The following TMPO variants were observed in gnomAD, a reference collection of about 807,000 sequenced individuals.
TMPO encodes the protein thymopoietin.
TMPO carries 22 observed loss-of-function variants against 45.4 expected under a neutral mutation model. The ratio of observed to expected loss-of-function variants is 0.48; its 90% CI spans 0.35 to 0.69. The LOEUF (loss-of-function observed/expected upper bound fraction) is 0.69, where lower values mean the gene tolerates loss of function less well. TMPO is among the 30% of genes least tolerant of loss of function. TMPO has a pLI of 0.01. For missense variants in TMPO, 512 were observed against 548.8 expected, an observed-to-expected ratio of 0.93 and a Z score of 0.67; for synonymous variants, 241 against 204.1, an observed-to-expected ratio of 1.18 and a Z score of -1.54.
chr12:98,524,679 C>T (rs369291946), intron 1 of TMPO, among the ~76,000 whole-genome samples: 115 of 152,294 alleles, frequency 7.6e-4, no homozygotes, highest in African/African-American at 2.5e-3. Context: ...CTGCAACCTC[C>T]GCCTCCCAGA....
intron 3 of TMPO, chr12:98,533,951 T>C: frequency 6.2e-7 from 1 of 1,613,914 alleles, no homozygotes; most frequent in South Asian, 1.1e-5. Context: ...AATCAGCAGT[T>C]GGACTTAGCA....
chr12:98,534,793 C>T, intron 3 of TMPO: 1 of 1,005,678 alleles, frequency 9.9e-7, no homozygotes. Flanking sequence ...TTTCACGTTC[C>T]ATAACTTGTC....
intron 1 of TMPO, chr12:98,527,623 T>C: frequency 2.6e-6 from 1 of 392,156 alleles, no homozygotes; most frequent in East Asian, 5.1e-5. Context: ...TTACTATCTC[T>C]TTTAGATAGG....
chr12:98,520,433 G>T (rs1045154064), intron 1 of TMPO, among the ~76,000 whole-genome samples: 2 of 151,768 alleles, frequency 1.3e-5, no homozygotes, highest in East Asian at 3.9e-4. Context: ...CTCCTGAGTA[G>T]CTGGTATTAC....
chr12:98,521,100 A>ATTTTTTTTTTTTTTTTT lies in TMPO; in HGVS notation c.279+4963_279+4979dup, dbSNP rs398044704. Among the ~76,000 whole-genome samples, 114 of 76,762 alleles carry ATTTTTTTTTTTTTTTTT rather than the reference A, an allele frequency of 1.5e-3. 18 individuals carry two copies. Among genetic ancestry groups the ATTTTTTTTTTTTTTTTT allele is most frequent in the Non-Finnish European group, 2.0e-3 (84 of 41,846 alleles). 50.4% of individuals were successfully genotyped at this position (76,762 alleles called of 152,430 possible). On this transcript the variant is annotated intron_variant, in intron 1 of 8. Coordinates refer to ENST00000556029, the MANE Select transcript of TMPO (RefSeq NM_001032283.3). ...CTATTTAATCATGGGTTTATGAGGA[A>ATTTTTTTTTTTTTTTTT]TTTTTTTTTTTTTTTTTTTTTTTTT...
At chr12:98,516,236 C>A in intron 1 of TMPO, 90 bp downstream of exon 1, 2 of 1,304,034 alleles carry the variant, frequency 1.5e-6, no homozygotes, top group Non-Finnish European at 1.9e-6. Context: ...CTCCCGGGCG[C>A]CCCCTCGGGC....
At chr12:98,536,291 A>G (rs1877561744) in intron 3 of TMPO, among the ~76,000 whole-genome samples, 1 of 152,196 alleles carries the variant, frequency 6.6e-6, no homozygotes, top group South Asian at 2.1e-4. Flanking sequence ...AATTTTTGGT[A>G]GTAGAAGTTT....
rs1362402992 is a variant in TMPO, at chr12:98,546,060, CAA to C, written c.991-296_991-295del. On this transcript the variant is annotated intron_variant, in intron 7 of 8. Transcript: ENST00000556029. ...ACAATATACTCTTAATAGTAAAAAACAAAATCAATGAGGGAATTAGCATTGCC... is the reference window on the plus strand; with the variant it reads ...ACAATATACTCTTAATAGTAAAAAACAATCAATGAGGGAATTAGCATTGCC... Among the ~76,000 whole-genome samples the C allele has an allele frequency of 2.6e-5, 4 of 152,192 alleles. No individual in the cohort carries two copies. In the East Asian group the frequency reaches 7.7e-4, roughly 29 times the overall value.
intron 2 of TMPO, among the ~76,000 whole-genome samples, chr12:98,528,251 C>CTTTTTTT (rs72519624): frequency 1.5e-5 from 2 of 131,398 alleles, no homozygotes; most frequent in African/African-American, 5.6e-5. Flanking sequence ...TTATATCGTA[C>CTTTTTTT]TTTTTTTTTT....
chr12:98,520,497 A>G (rs1354556097), intron 1 of TMPO, among the ~76,000 whole-genome samples: 1 of 150,506 alleles, frequency 6.6e-6, no homozygotes, highest in African/African-American at 2.5e-5. Flanking sequence ...AGTAGAGACA[A>G]GGTTTCACCA....
At position 98,546,383 on chromosome 12, in the gene TMPO, A is replaced by G; in HGVS notation, c.1015A>G (p.Arg339Gly). The G allele has an allele frequency of 6.2e-7, 1 of 1,612,846 alleles. No homozygotes were observed. Among genetic ancestry groups the G allele is most frequent in the Non-Finnish European group, 8.5e-7 (1 of 1,178,884 alleles). ...GGTGGGAGAAAAAACAGAGGAAAGA[A>G]GAGTAGAAAGGGATATTCTTAAGGA... ...AEVGEKTEER[R>G]VERDILKEMF... is the part of the protein sequence containing the mutation. The change falls in exon 8 of 9, where the codon AGA (arginine) becomes GGA (glycine). Residue 339 changes from arginine to glycine, a missense_variant. By Grantham distance (125) the Arg-to-Gly change is moderately radical. Around this residue, in one of 3 missense-constraint regions of TMPO, gnomAD observed 209 missense variants for 235.1 expected, o/e 0.89. Coordinates refer to ENST00000556029, the MANE Select transcript of TMPO (RefSeq NM_001032283.3).
intron 8 of TMPO, among the ~76,000 whole-genome samples, chr12:98,546,786 G>A (rs4762208): frequency 0.56 from 85,572 of 152,024 alleles, 24,395 homozygotes; most frequent in African/African-American, 0.63. Flanking sequence ...TCAAAATTGC[G>A]ATTGGTAAAT....
chr12:98,520,355 T>G (rs943249926), intron 1 of TMPO, among the ~76,000 whole-genome samples: 1 of 148,092 alleles, frequency 6.8e-6, no homozygotes, highest in African/African-American at 2.5e-5. Context: ...CAGGCTGGAG[T>G]GCAGTGGCAT....
At chr12:98,544,811 T>A in intron 6 of TMPO, 140 bp from the exon 7 acceptor site, 1 of 735,368 alleles carries the variant, frequency 1.4e-6, no homozygotes, top group Non-Finnish European at 2.4e-6. Flanking sequence ...GGCACTAAGT[T>A]GTGTTTGTAG....
intron 1 of TMPO, among the ~76,000 whole-genome samples, chr12:98,517,180 G>A (rs1875920906): frequency 6.6e-6 from 1 of 152,184 alleles, no homozygotes; most frequent in Non-Finnish European, 1.5e-5. Flanking sequence ...TTTTGCTTGA[G>A]GAAACGAAAG....
At chr12:98,539,358 T>C (rs1877772041) in intron 4 of TMPO, among the ~76,000 whole-genome samples, 1 of 151,888 alleles carries the variant, frequency 6.6e-6, no homozygotes, top group South Asian at 2.1e-4. Flanking sequence ...ATTTAAAACA[T>C]GTAGAAGAGT....
chr12:98,520,340 T>G (rs1371313834), intron 1 of TMPO, among the ~76,000 whole-genome samples: 1 of 146,982 alleles, frequency 6.8e-6, no homozygotes, highest in Non-Finnish European at 1.5e-5. Flanking sequence ...TCTCACTCTG[T>G]CACCCAGGCT....
chr12:98,516,407 C>G (rs927735942), intron 1 of TMPO: 1 of 1,186,162 alleles, frequency 8.4e-7, no homozygotes, highest in Non-Finnish European at 1.0e-6. Flanking sequence ...GGTTGTTTTG[C>G]ACGCAGTCGA....
intron 1 of TMPO, 44 bp from the exon 2 acceptor site, chr12:98,527,842 A>G: frequency 4.3e-6 from 7 of 1,610,032 alleles, no homozygotes; most frequent in Non-Finnish European, 5.9e-6. Context: ...TAGTAAGTGA[A>G]CACTTTAATT....
Sources: allele counts gnomAD v4.1 joint callset (sites outside exome capture counted in the v4.1 genomes callset), GRCh38; gene constraint gnomAD v4.1.1; regional missense constraint gnomAD v4.1.1; transcripts MANE v1.5; gene names NCBI Gene and HGNC (gene_info 2026-07-23, HGNC 2026-07-21).